The following KIFAP3 variants were observed in gnomAD, a reference collection of about 807,000 sequenced individuals.
KIFAP3 encodes kinesin-associated protein 3.
In KIFAP3, 68 loss-of-function variants were observed where a neutral mutation model predicts 106.5. The ratio of observed to expected loss-of-function variants is 0.64; its 90% CI spans 0.53 to 0.78. KIFAP3 has a LOEUF of 0.78. Ranked by LOEUF, KIFAP3 falls within the 30% of genes least tolerant of loss-of-function variation. The pLI, the probability that KIFAP3 is intolerant of heterozygous loss-of-function variation, is 0.00. For synonymous variants in KIFAP3, 320 were observed against 311.5 expected, an observed-to-expected ratio of 1.03 and a Z score of -0.29; for missense variants, 780 against 941.8, an observed-to-expected ratio of 0.83 and a Z score of 2.25.
intron 10 of KIFAP3, among the ~76,000 whole-genome samples, chr1:169,996,261 A>G (rs529515179): frequency 6.6e-6 from 1 of 152,216 alleles, no homozygotes; most frequent in South Asian, 2.1e-4. Context: ...TCCTCTATTA[A>G]AAAAACTCTG....
intron 1 of KIFAP3, among the ~76,000 whole-genome samples, chr1:170,066,132 A>G (rs1671432586): frequency 6.6e-6 from 1 of 151,514 alleles, no homozygotes; most frequent in Admixed American, 6.6e-5. Flanking sequence ...GTATTTAAGA[A>G]TTAATGCTGT....
At chr1:170,045,946 T>C (rs143617705) in intron 3 of KIFAP3, among the ~76,000 whole-genome samples, 19 of 152,218 alleles carry the variant, frequency 1.2e-4, no homozygotes, top group Admixed American at 2.6e-4. Context: ...AAAATGTTTT[T>C]CAGACCCTGA....
chr1:170,010,350 C>A (rs1668182177), intron 10 of KIFAP3, among the ~76,000 whole-genome samples: 1 of 151,834 alleles, frequency 6.6e-6, no homozygotes, highest in South Asian at 2.1e-4. Flanking sequence ...ATATTCTTTA[C>A]AAATCCCTTT....
At chr1:170,032,843 T>C (rs1460821240) in intron 7 of KIFAP3, among the ~76,000 whole-genome samples, 1 of 151,762 alleles carries the variant, frequency 6.6e-6, no homozygotes, top group Admixed American at 6.6e-5. Context: ...TGATGTGTCA[T>C]AGTTTAATTG....
At chr1:170,018,274 C>A (rs1171385180) in intron 9 of KIFAP3, among the ~76,000 whole-genome samples, 1 of 152,096 alleles carries the variant, frequency 6.6e-6, no homozygotes, top group African/African-American at 2.4e-5. Context: ...CAAGACAGAT[C>A]ATATGGCCTG....
intron 1 of KIFAP3, among the ~76,000 whole-genome samples, chr1:170,081,612 G>A (rs958849351): frequency 6.6e-6 from 1 of 152,150 alleles, no homozygotes; most frequent in African/African-American, 2.4e-5. Flanking sequence ...GCCAGCAACA[G>A]TGGCCCAAGT....
intron 8 of KIFAP3, among the ~76,000 whole-genome samples, chr1:170,025,644 A>G (rs1218596879): frequency 6.6e-6 from 1 of 152,180 alleles, no homozygotes; most frequent in African/African-American, 2.4e-5. Context: ...TATTATAAAA[A>G]TTTTACAGAT....
chr1:169,973,032 A>G (rs1161014868), intron 16 of KIFAP3, among the ~76,000 whole-genome samples: 1 of 149,488 alleles, frequency 6.7e-6, no homozygotes, highest in Non-Finnish European at 1.5e-5. Context: ...AAGGCATGAT[A>G]AAACATTTTC....
intron 1 of KIFAP3, 94 bp from the exon 2 acceptor site, chr1:170,055,530 T>G: frequency 1.1e-6 from 1 of 908,824 alleles, no homozygotes. Flanking sequence ...TGGGTTGGAT[T>G]AACATGTGCA....
intron 19 of KIFAP3, among the ~76,000 whole-genome samples, chr1:169,945,597 C>A (rs1200389979): frequency 6.6e-6 from 1 of 152,200 alleles, no homozygotes; most frequent in Non-Finnish European, 1.5e-5. Context: ...TTTGGGCTTT[C>A]TATACAGCTA....
intron 1 of KIFAP3, among the ~76,000 whole-genome samples, chr1:170,066,502 G>C (rs1185643702): frequency 1.3e-5 from 2 of 152,032 alleles, no homozygotes; most frequent in African/African-American, 4.8e-5. Context: ...ATCTGTTTGA[G>C]GCCATAAGAG....
At chr1:169,955,279 G>A (rs1190642552) in intron 18 of KIFAP3, among the ~76,000 whole-genome samples, 2 of 152,090 alleles carry the variant, frequency 1.3e-5, no homozygotes, top group Non-Finnish European at 2.9e-5. Context: ...GGTCCTGTGG[G>A]AAATGTATAA....
chr1:170,011,283 G>C (rs1571659674), intron 10 of KIFAP3, among the ~76,000 whole-genome samples: 1 of 151,892 alleles, frequency 6.6e-6, no homozygotes, highest in East Asian at 1.9e-4. Context: ...TGATATTTCT[G>C]AAGGTTTGAA....
chr1:170,041,800 G>T, intron 3 of KIFAP3: 1 of 1,516,086 alleles, frequency 6.6e-7, no homozygotes, highest in Non-Finnish European at 8.8e-7. Context: ...CTCCTTAAAG[G>T]TCGTGTTCCC....
intron 8 of KIFAP3, 87 bp from the exon 9 acceptor site, chr1:170,024,683 A>AT: frequency 1.3e-6 from 1 of 742,080 alleles, no homozygotes; most frequent in South Asian, 3.4e-5. Flanking sequence ...AAGGCAACAG[A>AT]GATAGCCCTA....
intron 19 of KIFAP3, among the ~76,000 whole-genome samples, chr1:169,946,609 C>A (rs576806234): frequency 1.3e-5 from 2 of 151,984 alleles, no homozygotes; most frequent in East Asian, 3.9e-4. Flanking sequence ...AATATCTGAA[C>A]CTTAATTTTC....
intron 10 of KIFAP3, among the ~76,000 whole-genome samples, chr1:170,002,116 AGG>A (rs1667695566): frequency 6.6e-6 from 1 of 152,166 alleles, no homozygotes; most frequent in African/African-American, 2.4e-5. Context: ...TCCAAAAATA[AGG>A]GAAATCAGAC....
intron 1 of KIFAP3, among the ~76,000 whole-genome samples, chr1:170,070,729 G>A (rs149564855): frequency 8.5e-5 from 13 of 152,252 alleles, no homozygotes; most frequent in African/African-American, 2.9e-4. Context: ...GAAGAAAACA[G>A]AGGGACAAAC....
At position 169,982,788 on chromosome 1, in the gene KIFAP3, G is replaced by C; in HGVS notation, c.1586C>G (p.Ala529Gly). 6.2e-7 allele frequency: 1 copy of C among 1,609,046 alleles called. No homozygotes were observed. The highest frequency in any genetic ancestry group is 8.5e-7 in the Non-Finnish European group (1 of 1,176,558). The change falls in exon 14 of 20, where the codon GCA becomes GGA. Residue 529 changes from alanine to glycine, a missense_variant. Around this residue, in one of 3 missense-constraint regions of KIFAP3, gnomAD observed 588 missense variants for 678.9 expected, o/e 0.87. Coordinates refer to ENST00000361580, the MANE Select transcript of KIFAP3 (RefSeq NM_014970.4). Reference protein sequence around the residue: ...EFVIECLGTLANLTIPDLDWE... With the variant: ...EFVIECLGTLGNLTIPDLDWE... ...GTCTAAGTCTGGAATGGTCAAGTTT[G>C]CAAGAGTTCCCAAACATTCAATCAC...
Sources: allele counts gnomAD v4.1 joint callset (sites outside exome capture counted in the v4.1 genomes callset), GRCh38; gene constraint gnomAD v4.1.1; regional missense constraint gnomAD v4.1.1; transcripts MANE v1.5; gene names NCBI Gene and HGNC (gene_info 2026-07-23, HGNC 2026-07-21).